Variants in RAD51B observed in about 807,000 individuals in gnomAD.
The protein encoded by RAD51B is DNA repair protein RAD51 homolog 2.
Under a neutral mutation model 42.2 loss-of-function variants are expected in RAD51B, and 38 were observed. That is an observed-to-expected ratio of 0.90 (90% CI 0.70 to 1.18). The LOEUF is 1.18. RAD51B is among the 50% of genes most tolerant of loss of function. The pLI is 0.00. For missense variants in RAD51B, 373 were observed against 400.7 expected (o/e 0.93, Z 0.59); for synonymous variants, 154 against 145.2 (o/e 1.06, Z -0.43).
intron 7 of RAD51B, among the ~76,000 whole-genome samples, chr14:68,066,821 G>T (rs1003627422): frequency 7.2e-5 from 11 of 152,078 alleles, no homozygotes; most frequent in Non-Finnish European, 1.3e-4. Context: ...TTTCTGGAAA[G>T]AAATATATCT....
chr14:68,194,825 T>G (rs976356057), intron 7 of RAD51B, among the ~76,000 whole-genome samples: 1 of 152,208 alleles, frequency 6.6e-6, no homozygotes, highest in Non-Finnish European at 1.5e-5. Flanking sequence ...TTAAAGATAT[T>G]CTTCCTTTAG....
intron 7 of RAD51B, among the ~76,000 whole-genome samples, chr14:67,948,787 C>T (rs1432474546): frequency 6.6e-6 from 1 of 151,556 alleles, no homozygotes; most frequent in African/African-American, 2.4e-5. Context: ...AAAAAATTAG[C>T]CGGGCATGGT....
chr14:67,911,955 G>T (rs993917126), intron 7 of RAD51B, among the ~76,000 whole-genome samples: 2 of 152,196 alleles, frequency 1.3e-5, no homozygotes, highest in African/African-American at 4.8e-5. Context: ...ATAGAGAAAA[G>T]AATGTCATCC....
At chr14:68,573,153 T>C (rs1427267476) in intron 10 of RAD51B, among the ~76,000 whole-genome samples, 1 of 152,174 alleles carries the variant, frequency 6.6e-6, no homozygotes, top group African/African-American at 2.4e-5. Context: ...TGTCCTCCAC[T>C]GCTCAGAGCC....
At chr14:68,469,401 A>G (rs1005463738) in intron 10 of RAD51B, among the ~76,000 whole-genome samples, 1 of 152,140 alleles carries the variant, frequency 6.6e-6, no homozygotes, top group Non-Finnish European at 1.5e-5. Flanking sequence ...ACAAAGCGGC[A>G]TGTTTGTTTG....
intron 11 of RAD51B, among the ~76,000 whole-genome samples, chr14:68,661,107 C>T (rs923644533): frequency 2.0e-5 from 3 of 152,170 alleles, no homozygotes; most frequent in Admixed American, 2.0e-4. Context: ...TGTCAGCAAC[C>T]TTTTTGAAAG....
chr14:68,405,893 A>T (rs1424296872), intron 8 of RAD51B, among the ~76,000 whole-genome samples: 1 of 151,502 alleles, frequency 6.6e-6, no homozygotes, highest in African/African-American at 2.4e-5. Flanking sequence ...ATTCACATGT[A>T]GCTTTTTCTT....
At chr14:68,422,021 C>G in intron 9 of RAD51B, 1 of 1,531,872 alleles carries the variant, frequency 6.5e-7, no homozygotes, top group South Asian at 1.1e-5. Flanking sequence ...ACACATAAAC[C>G]CTGGAATAAT....
At chr14:68,363,859 T>G (rs2139922893) in intron 8 of RAD51B, among the ~76,000 whole-genome samples, 1 of 152,238 alleles carries the variant, frequency 6.6e-6, no homozygotes, top group South Asian at 2.1e-4. Flanking sequence ...CTGGAAGTCG[T>G]ATCAGCCGCT....
rs1566634357 is a variant in RAD51B at position 68,087,917 on chromosome 14, A to ATATTATATATAATTATATAATTTAT, written c.756+200760_756+200784dup. 1.1e-3 allele frequency among the ~76,000 whole-genome samples: 89 copies of ATATTATATATAATTATATAATTTAT among 80,444 alleles called. 1 individual carries two copies. Among genetic ancestry groups the ATATTATATATAATTATATAATTTAT allele is most frequent in the African/African-American group, 5.0e-3 (75 of 15,120 alleles). The allele number at this position is 80,444 out of a possible 152,430, so 52.8% of individuals were successfully genotyped here. A position where few individuals can be genotyped will look rare whatever the true frequency, so the allele number is the denominator to read the frequency against. ...TATATTATTTATATAATTATATAAT[A>ATATTATATATAATTATATAATTTAT]TATTATATATAATTATATAATTTAT... On this transcript the variant is annotated intron_variant, in intron 7 of 10. Transcript: ENST00000471583.
At position 68,156,239 on chromosome 14, in the gene RAD51B, G is replaced by A. The variant is rs576439801; in HGVS notation, c.757-135645G>A. ...TTGTGTGTGCATGCGCCAAGTGTTT[G>A]AGGTTGATAATGTTGACAGAGTCCT... On this transcript the variant is annotated intron_variant, in intron 7 of 10. Coordinates refer to ENST00000471583, the MANE Select transcript of RAD51B (RefSeq NM_133510.4). Among the ~76,000 whole-genome samples, 341 of 152,306 alleles carry A rather than the reference G, an allele frequency of 2.2e-3. 1 individual carries two copies. Among genetic ancestry groups the A allele is most frequent in the Non-Finnish European group, 2.5e-3 (172 of 68,020 alleles).
At chr14:68,463,218 T>C (rs1594874286) in intron 9 of RAD51B, among the ~76,000 whole-genome samples, 4 of 152,108 alleles carry the variant, frequency 2.6e-5, no homozygotes, top group Admixed American at 2.6e-4. Context: ...GGCAGAAGGG[T>C]CATGGGGCAT....
chr14:68,338,157 A>G (rs1303957508), intron 8 of RAD51B, among the ~76,000 whole-genome samples: 1 of 152,166 alleles, frequency 6.6e-6, no homozygotes, highest in Non-Finnish European at 1.5e-5. Flanking sequence ...ACAATTTGTC[A>G]TAAGGAATCA....
chr14:67,945,741 G>A (rs1292028936), intron 7 of RAD51B, among the ~76,000 whole-genome samples: 2 of 152,172 alleles, frequency 1.3e-5, no homozygotes, highest in Non-Finnish European at 2.9e-5. Context: ...AAAGTGCTGG[G>A]ATTACAGGCA....
At chr14:68,314,346 C>T (rs1026689972) in intron 8 of RAD51B, among the ~76,000 whole-genome samples, 2 of 152,146 alleles carry the variant, frequency 1.3e-5, no homozygotes, top group African/African-American at 4.8e-5. Flanking sequence ...CAGTGGTCAA[C>T]AAGGCATGAG....
chr14:68,299,863 T>G (rs958289831), intron 8 of RAD51B, among the ~76,000 whole-genome samples: 1 of 152,206 alleles, frequency 6.6e-6, no homozygotes, highest in Non-Finnish European at 1.5e-5. Flanking sequence ...TTCTCTTCAT[T>G]TATCTCATCT....
At chr14:68,097,106 A>T (rs1427027055) in intron 7 of RAD51B, among the ~76,000 whole-genome samples, 2 of 152,104 alleles carry the variant, frequency 1.3e-5, no homozygotes, top group Non-Finnish European at 2.9e-5. Flanking sequence ...TTTATTATGG[A>T]TTTCTCTCTT....
At chr14:68,043,527 G>A (rs2076249517) in intron 7 of RAD51B, among the ~76,000 whole-genome samples, 1 of 152,112 alleles carries the variant, frequency 6.6e-6, no homozygotes, top group African/African-American at 2.4e-5. Flanking sequence ...TGGAATTCAA[G>A]CCCCAATTAT....
intron 9 of RAD51B, among the ~76,000 whole-genome samples, chr14:68,440,256 TATTG>T (rs748240102): frequency 2.1e-4 from 32 of 152,358 alleles, no homozygotes; most frequent in Non-Finnish European, 4.1e-4. Context: ...GCAGAATACA[TATTG>T]ATTCTTTTTC....
Sources: gnomAD v4.1 joint callset for allele counts (sites outside exome capture counted in the v4.1 genomes callset) on GRCh38, gnomAD v4.1.1 for gene constraint, MANE v1.5 for transcripts, NCBI Gene and HGNC (gene_info 2026-07-23, HGNC 2026-07-21) for gene names.